DOK6: variants seen among roughly 807,000 people sequenced by gnomAD.
DOK6 encodes docking protein 6, also known as downstream of tyrosine kinase 6.
Under a neutral mutation model 44.0 loss-of-function variants are expected in DOK6, and 22 were observed. The observed-to-expected ratio is 0.50, with a 90% confidence interval of 0.36 to 0.71. The LOEUF (loss-of-function observed/expected upper bound fraction) is 0.71. Among genes scored for constraint, DOK6 ranks in the 30% least tolerant of loss-of-function variants. DOK6 has a pLI of 0.00. For missense variants in DOK6, 340 were observed against 416.4 expected (o/e 0.82, Z 1.60); for synonymous variants, 166 against 145.5 (o/e 1.14, Z -1.01).
At chr18:69,475,325 G>A (rs1980229899) in intron 1 of DOK6, among the ~76,000 whole-genome samples, 1 of 152,160 alleles carries the variant, frequency 6.6e-6, no homozygotes, top group African/African-American at 2.4e-5. Flanking sequence ...GTAACACTGA[G>A]TATTAGGATT....
intron 3 of DOK6, 55 bp downstream of exon 3, chr18:69,599,553 A>G: frequency 1.4e-6 from 2 of 1,438,984 alleles, no homozygotes; most frequent in Non-Finnish European, 1.9e-6. Context: ...TTGTGAGACA[A>G]TGGCCCAGGC....
intron 5 of DOK6, 24 bp from the exon 6 acceptor site, chr18:69,738,941 C>T: frequency 6.2e-7 from 1 of 1,612,846 alleles, no homozygotes; most frequent in South Asian, 1.1e-5. Context: ...AGACCCATCT[C>T]TTTCCCTATC....
chr18:69,666,621 A>G (rs1452457800), intron 3 of DOK6, among the ~76,000 whole-genome samples: 1 of 152,056 alleles, frequency 6.6e-6, no homozygotes, highest in Non-Finnish European at 1.5e-5. Context: ...ATTTGCTATT[A>G]TATTGGCCTA....
chr18:69,407,005 C>G lies in DOK6; in HGVS notation c.66+5695C>G, dbSNP rs1055896914. On this transcript the variant is annotated intron_variant, in intron 1 of 7. Coordinates refer to ENST00000382713, the MANE Select transcript of DOK6 (RefSeq NM_152721.6). Reference sequence around the variant, plus strand: ...CTGAGGCAGGAGAATCGCTTGAACTCGAGAGGTGGAGGTTGCAGTGCACTG... The same window carrying G: ...CTGAGGCAGGAGAATCGCTTGAACTGGAGAGGTGGAGGTTGCAGTGCACTG... Among the ~76,000 whole-genome samples, 4 of 152,206 alleles carry G rather than the reference C, an allele frequency of 2.6e-5. No homozygotes were observed. In the South Asian group the frequency reaches 6.2e-4, roughly 24 times the overall value.
chr18:69,512,087 C>T (rs1981381471), intron 1 of DOK6, among the ~76,000 whole-genome samples: 1 of 136,562 alleles, frequency 7.3e-6, no homozygotes, highest in Non-Finnish European at 1.6e-5. Flanking sequence ...CATCCCCCCA[C>T]ACGCACCCCC....
chr18:69,421,135 T>G (rs1216111320), intron 1 of DOK6, among the ~76,000 whole-genome samples: 2 of 152,186 alleles, frequency 1.3e-5, no homozygotes, highest in Non-Finnish European at 2.9e-5. Context: ...TGAAAAACCT[T>G]TACAAAAACA....
intron 7 of DOK6, among the ~76,000 whole-genome samples, chr18:69,787,585 C>G (rs1013182593): frequency 1.4e-4 from 21 of 152,118 alleles, no homozygotes; most frequent in Non-Finnish European, 1.5e-5. Context: ...TATGTTGATA[C>G]AGTTTTTTTA....
At chr18:69,532,788 G>A (rs1156548901) in intron 1 of DOK6, 2 of 152,252 alleles carry the variant, frequency 1.3e-5, no homozygotes. Context: ...CTTGAGCCTG[G>A]AAGGTTGAGG....
chr18:69,672,760 C>T (rs1326252310), intron 3 of DOK6, among the ~76,000 whole-genome samples: 1 of 151,484 alleles, frequency 6.6e-6, no homozygotes, highest in African/African-American at 2.4e-5. Context: ...TCAGCAAGGC[C>T]AGTTAAGTAG....
intron 1 of DOK6, among the ~76,000 whole-genome samples, chr18:69,416,142 G>A (rs1282236389): frequency 2.4e-5 from 3 of 126,156 alleles, no homozygotes; most frequent in Admixed American, 8.5e-5. Context: ...GGGAGGGAGG[G>A]ACGGAGGGAG....
intron 3 of DOK6, among the ~76,000 whole-genome samples, chr18:69,627,574 A>C (rs1277567501): frequency 6.6e-6 from 1 of 152,004 alleles, no homozygotes; most frequent in Non-Finnish European, 1.5e-5. Flanking sequence ...TCGGCCTCCC[A>C]AGTAGCTGGG....
intron 3 of DOK6, among the ~76,000 whole-genome samples, chr18:69,668,210 T>C (rs1248727972): frequency 6.6e-6 from 1 of 152,140 alleles, no homozygotes; most frequent in Non-Finnish European, 1.5e-5. Context: ...GCTATATTGA[T>C]CCTAGTTACC....
At chr18:69,563,698 G>A (rs1176698957) in intron 1 of DOK6, among the ~76,000 whole-genome samples, 1 of 151,842 alleles carries the variant, frequency 6.6e-6, no homozygotes, top group African/African-American at 2.4e-5. Context: ...TATACCTAAT[G>A]TTAAATGACG....
chr18:69,435,137 A>G (rs895994301), intron 1 of DOK6, among the ~76,000 whole-genome samples: 18 of 151,894 alleles, frequency 1.2e-4, no homozygotes, highest in Non-Finnish European at 2.6e-4. Context: ...CTGATCCACA[A>G]TGAGGTTGCA....
At chr18:69,771,461 C>T (rs1168779736) in intron 7 of DOK6, among the ~76,000 whole-genome samples, 1 of 151,908 alleles carries the variant, frequency 6.6e-6, no homozygotes. Context: ...CTATTATAAA[C>T]AATGTTTCAG....
chr18:69,636,402 T>C (rs1984810274), intron 3 of DOK6, among the ~76,000 whole-genome samples: 2 of 152,186 alleles, frequency 1.3e-5, no homozygotes, highest in African/African-American at 2.4e-5. Flanking sequence ...GGCACCTTTC[T>C]TCTGTCTATG....
chr18:69,607,010 A>C (rs919251384), intron 3 of DOK6, among the ~76,000 whole-genome samples: 1 of 152,240 alleles, frequency 6.6e-6, no homozygotes, highest in Non-Finnish European at 1.5e-5. Context: ...ATCCCAGCAC[A>C]TGACAAAAGA....
chr18:69,509,366 G>A (rs9319782), intron 1 of DOK6, among the ~76,000 whole-genome samples: 139,207 of 152,088 alleles, frequency 0.92, 64,127 homozygotes, highest in South Asian at 0.97. Context: ...GGCCGGGCGC[G>A]GTGGTTCACG....
intron 1 of DOK6, among the ~76,000 whole-genome samples, chr18:69,487,215 G>A (rs866623084): frequency 6.9e-6 from 1 of 145,158 alleles, no homozygotes; most frequent in Non-Finnish European, 1.5e-5. Flanking sequence ...GTGTGTGTGT[G>A]TGTGTGTCTG....
Sources: allele counts gnomAD v4.1 joint callset (sites outside exome capture counted in the v4.1 genomes callset), GRCh38; gene constraint gnomAD v4.1.1; transcripts MANE v1.5; gene names NCBI Gene and HGNC (gene_info 2026-07-23, HGNC 2026-07-21).